Variants in LMF1 observed in about 807,000 individuals in gnomAD.
LMF1 encodes the protein lipase maturation factor 1.
LMF1 carries 68 observed loss-of-function variants against 60.6 expected under a neutral mutation model. That is an observed-to-expected ratio of 1.12 (90% CI 0.92 to 1.37). The LOEUF is 1.37. Ranked by LOEUF, LMF1 falls within the 40% of genes most tolerant of loss-of-function variation. The pLI is 0.00. For missense variants in LMF1, 948 were observed against 767.2 expected (o/e 1.24, Z -2.78); for synonymous variants, 418 against 324.7 (o/e 1.29, Z -3.09).
rs1484823454 is a variant in LMF1 at position 953,905 on chromosome 16, ACAGACACCCACCCCAAACCAGCTTCC to A, written c.503+426_503+451del. ...CCAAACCAGCCTCCTACACGTCCAC[ACAGACACCCACCCCAAACCAGCTTCC>A]TACACGTCCACACAGACACCCACCC... On this transcript the variant is annotated intron_variant, in intron 2 of 10. Coordinates refer to ENST00000262301, the MANE Select transcript of LMF1 (RefSeq NM_022773.4). Among the ~76,000 whole-genome samples, 4 of 95,166 alleles carry A rather than the reference ACAGACACCCACCCCAAACCAGCTTCC, an allele frequency of 4.2e-5. 1 individual carries two copies. Among genetic ancestry groups the A allele is most frequent in the African/African-American group, 1.6e-4 (4 of 25,686 alleles). The allele number at this position is 95,166 out of a possible 152,430, so 62.4% of individuals were successfully genotyped here. A position where few individuals can be genotyped will look rare whatever the true frequency, so the allele number is the denominator to read the frequency against.
At chr16:954,737 A>G in intron 1 of LMF1, 71 bp from the exon 2 acceptor site, 1 of 1,445,374 alleles carries the variant, frequency 6.9e-7, no homozygotes, top group Non-Finnish European at 9.3e-7. Context: ...GGCGCAGCTC[A>G]GAATGCGGGG....
chr16:955,528 C>G (rs1567318401), intron 1 of LMF1, among the ~76,000 whole-genome samples: 1 of 150,474 alleles, frequency 6.6e-6, no homozygotes, highest in South Asian at 2.1e-4. Context: ...GTGCCCGCAG[C>G]AGACGCAGTG....
At chr16:971,671 G>T (rs1024599895), upstream of LMF1, among the ~76,000 whole-genome samples, 2 of 152,180 alleles carry the variant, frequency 1.3e-5, no homozygotes, top group Non-Finnish European at 2.9e-5. Flanking sequence ...CATGAAGGAG[G>T]ACGCCAGCAC....
intron 4 of LMF1, among the ~76,000 whole-genome samples, chr16:907,582 A>G (rs921283331): frequency 6.6e-6 from 1 of 151,986 alleles, no homozygotes; most frequent in Admixed American, 6.6e-5. Flanking sequence ...TGGTTAGGGC[A>G]TCTGAAACCC....
intron 4 of LMF1, among the ~76,000 whole-genome samples, chr16:910,205 G>C (rs2071072016): frequency 6.6e-6 from 1 of 152,250 alleles, no homozygotes; most frequent in South Asian, 2.1e-4. Flanking sequence ...TGAACTCAGA[G>C]GTCACATTAC....
At chr16:981,325 A>AGAGAGAGG (rs1555484919), upstream of LMF1, 13 of 320,066 alleles carry the variant, frequency 4.1e-5, no homozygotes, top group African/African-American at 3.3e-4. Context: ...AGAGAGAGAG[A>AGAGAGAGG]GAGAGAGAGA....
At chr16:880,849 G>A (rs1341512637) in intron 5 of LMF1, among the ~76,000 whole-genome samples, 1 of 152,252 alleles carries the variant, frequency 6.6e-6, no homozygotes, top group Non-Finnish European at 1.5e-5. Flanking sequence ...GTGGTGGGAA[G>A]AGTGCCCTAG....
intron 1 of LMF1, chr16:979,882 G>A: frequency 5.0e-6 from 2 of 402,250 alleles, no homozygotes; most frequent in South Asian, 1.8e-5. Context: ...TGAGTTCCGC[G>A]GGCGCCCCAG....
rs1197594792 is a variant in LMF1 at position 976,261 on chromosome 16, G to A, written c.-135+4884C>T. 6 of 447,660 alleles carry A rather than the reference G, an allele frequency of 1.3e-5. No homozygotes were observed. The East Asian group carries it at 4.2e-4, about 31-fold the overall frequency. The allele number at this position is 447,660 out of a possible 1,614,324, so 27.7% of individuals were successfully genotyped here. On this transcript the variant is annotated intron_variant, in intron 1 of 6. Coordinates refer to the LMF1 transcript ENST00000570014. The stretch of plus-strand genomic sequence containing the variant: ...GCCCAAGGGCTGAAATGGGGCTGGG[G>A]TCCCTGGATCTAGGGGATGAGGGCC...
In LMF1 at chr16:931,120, CA is replaced by C. The variant is rs797002173; in HGVS notation, c.514+3123del. Reference sequence around the variant, plus strand: ...TGGGCGACAGAGCGAGACTCCATCTCAAAAAAAAAAAAGGTCTGGGACCGCC... The same window carrying C: ...TGGGCGACAGAGCGAGACTCCATCTCAAAAAAAAAAAGGTCTGGGACCGCC... On this transcript the variant is annotated intron_variant, in intron 3 of 10. Coordinates refer to ENST00000262301, the MANE Select transcript of LMF1 (RefSeq NM_022773.4). Among the ~76,000 whole-genome samples, 1,332 of 140,978 alleles carry C rather than the reference CA, an allele frequency of 9.4e-3. 23 individuals carry two copies. Among genetic ancestry groups the C allele is most frequent in the African/African-American group, 0.029 (1,119 of 38,648 alleles). The allele number at this position is 140,978 out of a possible 152,430, so 92.5% of individuals were successfully genotyped here.
At chr16:917,346 T>C (rs76536279) in intron 3 of LMF1, among the ~76,000 whole-genome samples, 11,767 of 53,206 alleles carry the variant, frequency 0.22, 958 homozygotes, top group African/African-American at 0.35. Flanking sequence ...GCACTGCGGG[T>C]GGGCGCAGGC....
intron 1 of LMF1, chr16:976,700 C>T (rs1201747849): frequency 2.2e-5 from 10 of 454,042 alleles, no homozygotes; most frequent in Non-Finnish European, 3.5e-5. Context: ...CTTGGGGACC[C>T]GCTCCCAGCC....
intron 10 of LMF1, among the ~76,000 whole-genome samples, chr16:866,020 G>A (rs181691174): frequency 6.6e-6 from 1 of 152,246 alleles, no homozygotes; most frequent in Non-Finnish European, 1.5e-5. Flanking sequence ...TTTTTTATCA[G>A]TTGTGTTCAT....
chr16:899,049 G>A (rs1344626211), intron 4 of LMF1: 1 of 152,244 alleles, frequency 6.6e-6, no homozygotes, highest in Non-Finnish European at 1.5e-5. Flanking sequence ...CCACAACCCA[G>A]GAGATCCTTT....
At chr16:866,868 AAAGC>A (rs1277331700) in intron 10 of LMF1, among the ~76,000 whole-genome samples, 1 of 152,190 alleles carries the variant, frequency 6.6e-6, no homozygotes, top group Non-Finnish European at 1.5e-5. Context: ...AATGAGGCCG[AAAGC>A]AAGCCTAGGC....
chr16:951,084 C>T (rs1597060402), intron 2 of LMF1, among the ~76,000 whole-genome samples: 2 of 96,406 alleles, frequency 2.1e-5, no homozygotes, highest in East Asian at 5.9e-4. Context: ...AGTCAGCCAA[C>T]GACAGAGTCA....
chr16:906,531 C>G (rs1195396781), intron 4 of LMF1, among the ~76,000 whole-genome samples: 1 of 152,176 alleles, frequency 6.6e-6, no homozygotes, highest in Non-Finnish European at 1.5e-5. Flanking sequence ...TTCTTCCGTT[C>G]TGAGACTCGG....
At chr16:888,773 A>T (rs567982906) in intron 5 of LMF1, among the ~76,000 whole-genome samples, 1 of 152,076 alleles carries the variant, frequency 6.6e-6, no homozygotes, top group Non-Finnish European at 1.5e-5. Context: ...GTGTGTGGGG[A>T]GAGCGAGGAC....
chr16:950,163 C>CAGCCAACGACAGAGTCAG (rs2072405247), intron 2 of LMF1, among the ~76,000 whole-genome samples: 1 of 102,764 alleles, frequency 9.7e-6, no homozygotes, highest in Non-Finnish European at 1.8e-5. Flanking sequence ...ATGACAGAGT[C>CAGCCAACGACAGAGTCAG]AGCCAACGAC....
Sources: allele counts gnomAD v4.1 joint callset (sites outside exome capture counted in the v4.1 genomes callset), GRCh38; gene constraint gnomAD v4.1.1; transcripts MANE v1.5; gene names NCBI Gene and HGNC (gene_info 2026-07-23, HGNC 2026-07-21).